The following PCDH11X variants were observed in gnomAD, a reference collection of about 807,000 sequenced individuals.
PCDH11X encodes the protein protocadherin 11 X-linked.
A neutral mutation model predicts 53.3 loss-of-function variants in PCDH11X; 18 were observed. That is an observed-to-expected ratio of 0.34 (90% CI 0.23 to 0.50). The LOEUF is 0.50. Among genes scored for constraint, PCDH11X ranks in the 20% least tolerant of loss-of-function variants. The pLI, the probability that PCDH11X is intolerant of heterozygous loss-of-function variation, is 0.98. For synonymous variants in PCDH11X, 279 were observed against 393.3 expected, an observed-to-expected ratio of 0.71 and a Z score of 3.44; for missense variants, 570 against 1,032.4, an observed-to-expected ratio of 0.55 and a Z score of 6.14.
At chrX:92,352,494 G>A (rs2070078072) in intron 8 of PCDH11X, among the ~76,000 whole-genome samples, 1 of 111,284 alleles carries the variant, frequency 9.0e-6, no homozygotes, top group Non-Finnish European at 1.9e-5. Context: ...GGTAAATCAG[G>A]GATTTCTTCT....
intron 9 of PCDH11X, among the ~76,000 whole-genome samples, chrX:92,436,357 A>G (rs1309738394): frequency 8.9e-6 from 1 of 111,965 alleles, no homozygotes; most frequent in Non-Finnish European, 1.9e-5. Context: ...AAAAAAGGGA[A>G]CACTTATACA....
At chrX:92,125,721 C>T (rs1425981832) in intron 6 of PCDH11X, among the ~76,000 whole-genome samples, 2 of 109,954 alleles carry the variant, frequency 1.8e-5, no homozygotes, top group African/African-American at 6.6e-5. Flanking sequence ...CATATGTATA[C>T]ACGTGCCATG....
intron 6 of PCDH11X, among the ~76,000 whole-genome samples, chrX:92,069,797 T>C (rs2063670637): frequency 1.8e-5 from 2 of 111,611 alleles, no homozygotes; most frequent in South Asian, 7.5e-4. Flanking sequence ...TTATCTTGCC[T>C]CAGCCCCGCA....
intron 7 of PCDH11X, among the ~76,000 whole-genome samples, chrX:92,230,898 G>A (rs1443609651): frequency 9.0e-6 from 1 of 110,591 alleles, no homozygotes; most frequent in Non-Finnish European, 1.9e-5. Context: ...GGAGAAAACG[G>A]CAGTGCAGAC....
chrX:91,835,831 A>G lies in PCDH11X; in HGVS notation c.327A>G (p.Glu109=). The G allele has an allele frequency of 2.5e-6, 3 of 1,210,583 alleles. No individual in the cohort carries two copies. The highest frequency in any genetic ancestry group is 3.0e-5 in the East Asian group (1 of 33,791). The change falls in exon 5 of 11, where the codon GAA becomes GAG. Residue 109 remains glutamate (E), a synonymous_variant. Transcript: ENST00000682573. Reference sequence around the variant, plus strand: ...CAAGGGATGAGCATTGCTTTTATGAAGTGGAGGTTGCCATTTTGCCGGATG... The same window carrying G: ...CAAGGGATGAGCATTGCTTTTATGAGGTGGAGGTTGCCATTTTGCCGGATG... The part of the protein sequence containing the change: ...GIPRDEHCFY[E]VEVAILPDEI...
In PCDH11X at chrX:92,285,177, C is replaced by T. The variant is rs1184805360; in HGVS notation, c.3144+22034C>T. 4.0e-4 allele frequency among the ~76,000 whole-genome samples: 43 copies of T among 106,700 alleles called. 1 individual carries two copies. The highest frequency in any genetic ancestry group is 1.3e-3 in the African/African-American group (38 of 29,334). The allele number at this position is 106,700 out of a possible 115,157, so 92.7% of individuals were successfully genotyped here. On this transcript the variant is annotated intron_variant, in intron 8 of 10. Coordinates refer to ENST00000682573, the MANE Select transcript of PCDH11X (RefSeq NM_032968.5). The stretch of plus-strand genomic sequence containing the variant: ...ATATTAGCAGGCAATATGATGCAGA[C>T]GTGCTGGCAAAATCTATGATACTAG...
At chrX:92,198,162 G>A (rs957938101) in intron 6 of PCDH11X, among the ~76,000 whole-genome samples, 24 of 106,328 alleles carry the variant, frequency 2.3e-4, no homozygotes, top group Non-Finnish European at 4.1e-4. Flanking sequence ...TTCAGAGGCC[G>A]TGGCAAACAG....
At chrX:92,254,506 G>T (rs60570207) in intron 7 of PCDH11X, among the ~76,000 whole-genome samples, 10,966 of 106,461 alleles carry the variant, frequency 0.1, 1,164 homozygotes, top group African/African-American at 0.28. Flanking sequence ...GTTATTTTGC[G>T]CGTTAGTTGA....
At chrX:92,345,634 T>C (rs2522694) in intron 8 of PCDH11X, among the ~76,000 whole-genome samples, 3 of 111,656 alleles carry the variant, frequency 2.7e-5, no homozygotes, top group African/African-American at 9.7e-5. Context: ...ACTGCAATAA[T>C]GTCAGAAGAA....
intron 6 of PCDH11X, among the ~76,000 whole-genome samples, chrX:91,940,134 T>G (rs2061490639): frequency 9.0e-6 from 1 of 110,543 alleles, no homozygotes; most frequent in Admixed American, 9.6e-5. Context: ...TCTCATTAGA[T>G]CTGATCATTT....
chrX:92,314,357 G>T (rs961266194), intron 8 of PCDH11X, among the ~76,000 whole-genome samples: 3 of 111,216 alleles, frequency 2.7e-5, no homozygotes, highest in African/African-American at 9.8e-5. Flanking sequence ...TATGCATGAA[G>T]CTGTCATCTC....
intron 8 of PCDH11X, among the ~76,000 whole-genome samples, chrX:92,384,719 G>A (rs2070975228): frequency 9.5e-6 from 1 of 105,334 alleles, no homozygotes; most frequent in Non-Finnish European, 2.0e-5. Context: ...GATCTGGGTG[G>A]TGCCAGCTGG....
chrX:92,575,922 T>C (rs1358712055), intron 10 of PCDH11X, among the ~76,000 whole-genome samples: 2 of 25,329 alleles, frequency 7.9e-5, no homozygotes, highest in Non-Finnish European at 1.3e-4. Flanking sequence ...TATATATATA[T>C]ATATATATAT....
intron 5 of PCDH11X, among the ~76,000 whole-genome samples, chrX:91,838,234 T>G (rs917383931): frequency 9.8e-5 from 11 of 112,074 alleles, no homozygotes; most frequent in African/African-American, 3.6e-4. Context: ...TAATTTTAGC[T>G]TTGTTAAAAT....
intron 10 of PCDH11X, among the ~76,000 whole-genome samples, chrX:92,537,477 C>G (rs772672278): frequency 3.0e-4 from 33 of 109,446 alleles, no homozygotes; most frequent in African/African-American, 1.1e-3. Context: ...ATCAAAATAC[C>G]AATGATATTT....
intron 9 of PCDH11X, among the ~76,000 whole-genome samples, chrX:92,422,960 T>C: frequency 9.2e-6 from 1 of 108,182 alleles, no homozygotes; most frequent in Admixed American, 9.9e-5. Context: ...GCCATTCTCC[T>C]GCCTCAGCCT....
At chrX:92,219,618 C>T (rs1168188162) in intron 7 of PCDH11X, among the ~76,000 whole-genome samples, 2 of 103,392 alleles carry the variant, frequency 1.9e-5, no homozygotes, top group Admixed American at 2.1e-4. Context: ...AATGGCCATA[C>T]TGCCCAAGGT....
chrX:91,932,127 A>T lies in PCDH11X; in HGVS notation c.3033+52854A>T, dbSNP rs372599675. Among the ~76,000 whole-genome samples, 3 of 109,488 alleles carry T rather than the reference A, an allele frequency of 2.7e-5. No individual in the cohort carries two copies. The East Asian group carries it at 8.7e-4, about 32-fold the overall frequency. On this transcript the variant is annotated intron_variant, in intron 6 of 10. Transcript: ENST00000682573. ...CAGTTTGCGGAGGATAACGGCTTCC[A>T]ACTCCATCCATGTCCCTGCAAAGGA...
At chrX:92,122,643 G>A (rs1225577656) in intron 6 of PCDH11X, among the ~76,000 whole-genome samples, 11 of 111,756 alleles carry the variant, frequency 9.8e-5, no homozygotes, top group Admixed American at 9.6e-4. Context: ...TAAGAAAATC[G>A]TAATCTGGGC....
Sources: gnomAD v4.1 joint callset for allele counts (sites outside exome capture counted in the v4.1 genomes callset) on GRCh38, gnomAD v4.1.1 for gene constraint, MANE v1.5 for transcripts, NCBI Gene and HGNC (gene_info 2026-07-23, HGNC 2026-07-21) for gene names.